TRIQK: variants seen among roughly 807,000 people sequenced by gnomAD.
The protein encoded by TRIQK is triple QxxK/R motif-containing protein.
In TRIQK, 10 loss-of-function variants were observed where a neutral mutation model predicts 10.8. That is an observed-to-expected ratio of 0.92 (90% CI 0.57 to 1.57). The LOEUF is 1.57. Ranked by LOEUF, TRIQK falls within the 40% of genes most tolerant of loss-of-function variation. The pLI, the probability that TRIQK is intolerant of heterozygous loss-of-function variation, is 0.00. For synonymous variants in TRIQK, 33 were observed against 33.7 expected (o/e 0.98, Z 0.07); for missense variants, 107 against 97.7 (o/e 1.09, Z -0.40).
At chr8:92,965,754 T>A (rs1812713339) in intron 1 of TRIQK, 1 of 152,330 alleles carries the variant, frequency 6.6e-6, no homozygotes, top group South Asian at 2.1e-4. Flanking sequence ...CCATCCCCCA[T>A]CCCGCAGCCA....
At chr8:92,907,874 A>G (rs1414521725) in intron 3 of TRIQK, among the ~76,000 whole-genome samples, 2 of 152,158 alleles carry the variant, frequency 1.3e-5, no homozygotes, top group African/African-American at 4.8e-5. Context: ...ATTGAGAGAT[A>G]TAAAAACATA....
At chr8:92,955,059 A>G (rs929305933) in intron 1 of TRIQK, among the ~76,000 whole-genome samples, 6 of 151,918 alleles carry the variant, frequency 3.9e-5, no homozygotes, top group African/African-American at 1.4e-4. Context: ...TAAGCAGGTA[A>G]TGCATGATTT....
chr8:93,004,278 C>A (rs1813245012), intron 1 of TRIQK, among the ~76,000 whole-genome samples: 1 of 152,206 alleles, frequency 6.6e-6, no homozygotes, highest in South Asian at 2.1e-4. Flanking sequence ...GGTCCAAACA[C>A]CACATGGAAA....
intron 1 of TRIQK, chr8:92,973,857 G>A (rs1203646331): frequency 1.3e-5 from 2 of 152,352 alleles, no homozygotes; most frequent in Non-Finnish European, 2.9e-5. Flanking sequence ...CTGTATGTGA[G>A]TCTGGGACCC....
At chr8:92,937,281 G>A (rs1811040558) in intron 2 of TRIQK, among the ~76,000 whole-genome samples, 1 of 151,286 alleles carries the variant, frequency 6.6e-6, no homozygotes, top group African/African-American at 2.4e-5. Context: ...ATTATTTAGG[G>A]AAAAATATAC....
intron 3 of TRIQK, among the ~76,000 whole-genome samples, chr8:92,902,261 C>G (rs975821543): frequency 6.6e-6 from 1 of 152,018 alleles, no homozygotes. Flanking sequence ...TTCGTACCAC[C>G]AGGATAGAAG....
chr8:92,925,490 A>G (rs1810403311), intron 2 of TRIQK, among the ~76,000 whole-genome samples: 1 of 152,192 alleles, frequency 6.6e-6, no homozygotes, highest in African/African-American at 2.4e-5. Flanking sequence ...ATCTGACAAA[A>G]TAATTTGCAT....
Position 92,891,294 on chromosome 8 carries a change from A to G in TRIQK, c.147+695T>C, listed in dbSNP as rs150719677. On this transcript the variant is annotated intron_variant, in intron 4 of 4. Transcript: ENST00000521988. ...TAACATGTTAATATTTAAATAAAAT[A>G]TATGTACTGGTCATTTTTATTTTAC... is the stretch of plus-strand genomic sequence containing the variant. Among the ~76,000 whole-genome samples, 760 of 152,070 alleles carry G rather than the reference A, an allele frequency of 5.0e-3. 3 individuals are homozygous for G. Among genetic ancestry groups the G allele is most frequent in the Non-Finnish European group, 8.0e-3 (540 of 67,890 alleles).
intron 3 of TRIQK, among the ~76,000 whole-genome samples, chr8:92,912,647 C>T (rs1809629799): frequency 6.6e-6 from 1 of 151,752 alleles, no homozygotes. Flanking sequence ...AAATAGCAGA[C>T]ATTACAACTG....
intron 1 of TRIQK, among the ~76,000 whole-genome samples, chr8:92,963,125 A>G (rs951453339): frequency 2.6e-5 from 4 of 152,230 alleles, no homozygotes; most frequent in Non-Finnish European, 5.9e-5. Context: ...TCTACCAGAA[A>G]TGAACAGAGT....
chr8:92,958,206 C>T (rs1812273359), intron 1 of TRIQK, among the ~76,000 whole-genome samples: 1 of 151,910 alleles, frequency 6.6e-6, no homozygotes, highest in Admixed American at 6.6e-5. Context: ...TTTCCAATCA[C>T]AAGAACCCAT....
intron 1 of TRIQK, among the ~76,000 whole-genome samples, chr8:92,996,985 G>A (rs1173663676): frequency 2.0e-5 from 3 of 151,968 alleles, no homozygotes; most frequent in Non-Finnish European, 2.9e-5. Flanking sequence ...ATGGACATTC[G>A]TGTCCACTGA....
At chr8:92,941,410 A>G (rs1442751853) in intron 2 of TRIQK, 1 of 152,204 alleles carries the variant, frequency 6.6e-6, no homozygotes, top group Non-Finnish European at 1.5e-5. Flanking sequence ...TAAGACAAAT[A>G]AAAACACATC....
upstream of TRIQK, among the ~76,000 whole-genome samples, chr8:92,968,281 T>C (rs959325736): frequency 3.3e-5 from 5 of 152,288 alleles, no homozygotes; most frequent in African/African-American, 9.6e-5. Flanking sequence ...TGTGTCTTTA[T>C]AGTAGCATGA....
intron 3 of TRIQK, among the ~76,000 whole-genome samples, chr8:92,915,989 C>T (rs1310689260): frequency 2.0e-5 from 3 of 151,740 alleles, no homozygotes; most frequent in Non-Finnish European, 2.9e-5. Flanking sequence ...AATGTAACTT[C>T]TTTGTTTATC....
chr8:92,991,690 A>G (rs980405572), intron 1 of TRIQK, among the ~76,000 whole-genome samples: 3 of 152,172 alleles, frequency 2.0e-5, no homozygotes, highest in Non-Finnish European at 4.4e-5. Context: ...AGCGTATTCA[A>G]ATGGGAAGAG....
chr8:92,987,269 T>G (rs889218992), intron 1 of TRIQK, among the ~76,000 whole-genome samples: 3 of 152,210 alleles, frequency 2.0e-5, no homozygotes, highest in African/African-American at 7.2e-5. Flanking sequence ...TGTAGTACAG[T>G]GACTGATGCT....
At chr8:93,010,709 T>C (rs915350783) in intron 1 of TRIQK, among the ~76,000 whole-genome samples, 42 of 152,232 alleles carry the variant, frequency 2.8e-4, no homozygotes, top group African/African-American at 1.0e-3. Context: ...ATGAGTAATA[T>C]AGATTAATAC....
chr8:93,008,867 C>G (rs187124255), intron 1 of TRIQK, among the ~76,000 whole-genome samples: 24 of 152,270 alleles, frequency 1.6e-4, no homozygotes, highest in African/African-American at 5.8e-4. Context: ...ATGCTTGGAA[C>G]CATGAAGCTA....
Sources: allele counts gnomAD v4.1 joint callset (sites outside exome capture counted in the v4.1 genomes callset), GRCh38; gene constraint gnomAD v4.1.1; transcripts MANE v1.5; gene names NCBI Gene and HGNC (gene_info 2026-07-23, HGNC 2026-07-21).